Variants in POLR2F observed in about 807,000 individuals in gnomAD.
The protein encoded by POLR2F is RNA polymerase II, I and III subunit F.
A neutral mutation model predicts 22.7 loss-of-function variants in POLR2F; 12 were observed. That is an observed-to-expected ratio of 0.53 (90% CI 0.34 to 0.86). The LOEUF is 0.86. Ranked by LOEUF, POLR2F falls within the 40% of genes least tolerant of loss-of-function variation. POLR2F has a pLI of 0.02. For missense variants in POLR2F, 126 were observed against 171.5 expected (o/e 0.73, Z 1.48); for synonymous variants, 57 against 66.0 (o/e 0.86, Z 0.66).
intron 1 of POLR2F, among the ~76,000 whole-genome samples, chr22:38,013,079 T>G (rs945063667): frequency 2.5e-4 from 5 of 20,082 alleles, no homozygotes; most frequent in Non-Finnish European, 4.2e-4. Context: ...TATGACTTCC[T>G]TCCCTTCCTT....
At chr22:37,972,104 GAGAA>G (rs1375637871), downstream of POLR2F, 2 of 325,040 alleles carry the variant, frequency 6.2e-6, no homozygotes, top group South Asian at 4.4e-5. Flanking sequence ...GAGAGAGAGA[GAGAA>G]AGAGAGGAGA....
chr22:37,979,915 C>G (rs1932343697), intron 4 of POLR2F, among the ~76,000 whole-genome samples: 2 of 152,060 alleles, frequency 1.3e-5, no homozygotes, highest in South Asian at 4.1e-4. Flanking sequence ...CCCCTCACAC[C>G]CCAGTGAGTG....
In POLR2F at chr22:37,978,252, G is replaced by A; in HGVS notation, c.293+11082G>A. On this transcript the variant is annotated intron_variant, in intron 4 of 4. Transcript: ENST00000405557. The surrounding 1 kb of genome is among the most constrained non-coding windows in gnomAD (Gnocchi z 5.0). ...GGAAGATGTGAGGCCCTGGGATGGGGCACCCAGAGGACAGGACCCGGGGTG... is the reference window on the plus strand; with the variant it reads ...GGAAGATGTGAGGCCCTGGGATGGGACACCCAGAGGACAGGACCCGGGGTG... 1.7e-6 allele frequency: 2 copies of A among 1,144,776 alleles called. No homozygotes were observed. Among genetic ancestry groups the A allele is most frequent in the Non-Finnish European group, 2.4e-6 (2 of 835,970 alleles). The allele number at this position is 1,144,776 out of a possible 1,614,324, so 70.9% of individuals were successfully genotyped here.
rs3026642 is a variant in POLR2F at position 37,968,682 on chromosome 22, A to G, written c.*967A>G. 7.8e-3 allele frequency: 7,711 copies of G among 985,378 alleles called. 415 individuals carry two copies. In the African/African-American group the frequency reaches 0.12, roughly 16 times the overall value. The allele number at this position is 985,378 out of a possible 1,614,324, so 61.0% of individuals were successfully genotyped here. On this transcript the variant is annotated 3_prime_UTR_variant, in exon 5 of 5. Transcript: ENST00000442738. ...GGGGAGGGTGTATATTGACATGAACAGGGATAGAGGGTAAACTGGCTCCCT... is the reference window on the plus strand; with the variant it reads ...GGGGAGGGTGTATATTGACATGAACGGGGATAGAGGGTAAACTGGCTCCCT...
intron 1 of POLR2F, among the ~76,000 whole-genome samples, chr22:37,991,274 T>C (rs999178129): frequency 2.6e-5 from 4 of 152,108 alleles, no homozygotes; most frequent in African/African-American, 4.8e-5. Flanking sequence ...CATGCCACCA[T>C]GCCCGGCTAG....
At chr22:38,004,234 C>T (rs1369020207) in intron 1 of POLR2F, among the ~76,000 whole-genome samples, 1 of 152,022 alleles carries the variant, frequency 6.6e-6, no homozygotes, top group Non-Finnish European at 1.5e-5. Context: ...CCTCAAGTGA[C>T]CCTCCCACCT....
At chr22:37,977,461 C>T (rs564928713) in intron 4 of POLR2F, among the ~76,000 whole-genome samples, 1 of 152,050 alleles carries the variant, frequency 6.6e-6, no homozygotes, top group Admixed American at 6.5e-5. Context: ...GCTGGGACTA[C>T]AGGTGCTCGC....
rs1053036415 is a variant in POLR2F, at chr22:38,017,484, C to G, written c.121-8385C>G. 2.6e-5 allele frequency among the ~76,000 whole-genome samples: 4 copies of G among 152,148 alleles called. No individual in the cohort carries two copies. The highest frequency in any genetic ancestry group is 9.7e-5 in the African/African-American group (4 of 41,432). ...TTCTGCCAAGGGCTCCCAAGTTGTT[C>G]GCCATCTCTGGGCCTGTGGGTGTCT... On this transcript the variant is annotated intron_variant, in intron 1 of 2. Transcript: ENST00000333418. This position sits in a 1 kb window ranked among gnomAD's most constrained non-coding sequence, Gnocchi z 4.1.
chr22:37,996,997 C>T (rs1228654590), intron 1 of POLR2F, among the ~76,000 whole-genome samples: 4 of 152,272 alleles, frequency 2.6e-5, no homozygotes, highest in African/African-American at 7.2e-5. Context: ...GTGTCCTACT[C>T]GGGAAGGCAA....
chr22:37,993,563 C>T (rs1413979117), intron 1 of POLR2F, among the ~76,000 whole-genome samples: 1 of 152,194 alleles, frequency 6.6e-6, no homozygotes, highest in East Asian at 1.9e-4. Flanking sequence ...ATGAGCTGAG[C>T]TGGGGATCCA....
rs139860510 is a variant in POLR2F at position 37,980,292 on chromosome 22, C to A, written c.293+13122C>A. Among the ~76,000 whole-genome samples the A allele has an allele frequency of 7.9e-5, 12 of 152,044 alleles. No individual in the cohort carries two copies. The highest frequency in any genetic ancestry group is 6.5e-4 in the Admixed American group (10 of 15,272). On this transcript the variant is annotated intron_variant, in intron 4 of 4. Coordinates refer to the POLR2F transcript ENST00000405557. The surrounding 1 kb of genome is among the most constrained non-coding windows in gnomAD (Gnocchi z 4.1). ...GAGAGCTGCTCCGCCAGCAGTGGAC[C>A]CCAACAGAGGGGCTTCTGGGATGGC...
intron 1 of POLR2F, among the ~76,000 whole-genome samples, chr22:37,989,304 GTGACTGCTCAATAAAT>G (rs1464300770): frequency 6.6e-6 from 1 of 152,214 alleles, no homozygotes; most frequent in Non-Finnish European, 1.5e-5. Flanking sequence ...ACCTAGCATA[GTGACTGCTCAATAAAT>G]GTGAGTCAGA....
chr22:38,031,079 G>C (rs150705813), downstream of POLR2F, among the ~76,000 whole-genome samples: 3 of 152,174 alleles, frequency 2.0e-5, no homozygotes, highest in East Asian at 5.8e-4. This position sits in a 1 kb window ranked among gnomAD's most constrained non-coding sequence, Gnocchi z 4.1. Flanking sequence ...GGCAAGTGTC[G>C]GTGTCGCCCC....
chr22:38,007,178 T>C (rs2084829012), intron 1 of POLR2F, among the ~76,000 whole-genome samples: 1 of 151,774 alleles, frequency 6.6e-6, no homozygotes, highest in Non-Finnish European at 1.5e-5. Context: ...CCTCCCAGAG[T>C]GCCGTGAAAA....
At chr22:37,987,154 G>A (rs189290901) in intron 1 of POLR2F, 1 of 456,674 alleles carries the variant, frequency 2.2e-6, no homozygotes, top group Non-Finnish European at 4.4e-6. Flanking sequence ...CTTCTCTCAG[G>A]GTGTTTATTC....
chr22:38,009,516 G>A (rs1001235721), intron 1 of POLR2F, among the ~76,000 whole-genome samples: 1 of 152,172 alleles, frequency 6.6e-6, no homozygotes, highest in African/African-American at 2.4e-5. Flanking sequence ...GCTTCTCTTA[G>A]GTACAGTTGA....
rs140037299 is a variant in POLR2F, at chr22:37,998,614, C to T, written c.120+12302C>T. ...TTCCAGACTCCCTCTCTGCACCCTC[C>T]CTACTGCTGGCCCTGTGGCCCTGGG... is the stretch of plus-strand genomic sequence containing the variant. On this transcript the variant is annotated intron_variant, in intron 1 of 2. Transcript: ENST00000333418. Among the ~76,000 whole-genome samples the T allele has an allele frequency of 5.1e-3, 774 of 152,302 alleles. 12 individuals are homozygous for T. Among genetic ancestry groups the T allele is most frequent in the African/African-American group, 0.018 (749 of 41,560 alleles).
chr22:37,967,946 C>A lies in POLR2F; in HGVS notation c.*231C>A. Reference sequence around the variant, plus strand: ...CAGGGGCCCTTAGCCCCTTTGGATCCCCCACATCCTTCCCTCCATCTCCCT... The same window carrying A: ...CAGGGGCCCTTAGCCCCTTTGGATCACCCACATCCTTCCCTCCATCTCCCT... On this transcript the variant is annotated 3_prime_UTR_variant, in exon 5 of 5. Transcript: ENST00000442738. 1 of 1,193,500 alleles carries A rather than the reference C, an allele frequency of 8.4e-7. No homozygotes were observed. Among genetic ancestry groups the A allele is most frequent in the African/African-American group, 1.6e-5 (1 of 62,868 alleles). The allele number at this position is 1,193,500 out of a possible 1,614,324, so 73.9% of individuals were successfully genotyped here.
intron 1 of POLR2F, among the ~76,000 whole-genome samples, chr22:38,005,096 G>A (rs530051270): frequency 1.2e-4 from 19 of 152,368 alleles, no homozygotes; most frequent in Middle Eastern, 3.4e-3. Context: ...AGGCCTGCCT[G>A]CCATCTCTTG....
Sources: gnomAD v4.1 joint callset for allele counts (sites outside exome capture counted in the v4.1 genomes callset) on GRCh38, gnomAD v4.1.1 for gene constraint, Gnocchi (gnomAD v3.1) non-coding constraint, MANE v1.5 for transcripts, NCBI Gene and HGNC (gene_info 2026-07-23, HGNC 2026-07-21) for gene names.